TCN1: variants seen among roughly 807,000 people sequenced by gnomAD.
TCN1 encodes transcobalamin 1, also known as transcobalamin-1.
Under a neutral mutation model 46.3 loss-of-function variants are expected in TCN1, and 47 were observed. That is an observed-to-expected ratio of 1.01 (90% CI 0.80 to 1.29). The LOEUF (loss-of-function observed/expected upper bound fraction) is 1.29, where lower values mean the gene tolerates loss of function less well. Among genes scored for constraint, TCN1 ranks in the 50% most tolerant of loss-of-function variants. The pLI is 0.00. For missense variants in TCN1, 532 were observed against 511.0 expected, an observed-to-expected ratio of 1.04 and a Z score of -0.40; for synonymous variants, 183 against 192.5, an observed-to-expected ratio of 0.95 and a Z score of 0.41.
chr11:59,854,892 G>C, intron 6 of TCN1, 57 bp from the exon 7 acceptor site: 1 of 1,594,818 alleles, frequency 6.3e-7, no homozygotes, highest in Non-Finnish European at 8.6e-7. Flanking sequence ...TGATATTAGA[G>C]TTTGCAGACC....
In TCN1 at chr11:59,866,429, C is replaced by G. The variant is rs1853077478; in HGVS notation, c.42G>C (p.Leu14=). Residue 14 remains leucine (L), a synonymous_variant, in exon 1 of 9, where the codon CTG becomes CTC. Transcript: ENST00000257264. ...SHQLPLVGLL[L]FSFIPSQLCE... ...ATAGTTGGCTTGGAATAAAAGAAAACAGTAAGAGCCCCACTAGGGGCAGCT... is the reference window on the plus strand; with the variant it reads ...ATAGTTGGCTTGGAATAAAAGAAAAGAGTAAGAGCCCCACTAGGGGCAGCT... 1.9e-6 allele frequency: 3 copies of G among 1,613,378 alleles called. No individual in the cohort carries two copies. The highest frequency in any genetic ancestry group is 3.3e-5 in the Admixed American group (2 of 59,964).
chr11:59,860,279 G>C (rs1419389303), intron 4 of TCN1, among the ~76,000 whole-genome samples: 1 of 151,854 alleles, frequency 6.6e-6, no homozygotes, highest in Non-Finnish European at 1.5e-5. Context: ...ACAGGAGTGA[G>C]CCACCACGCC....
Position 59,852,859 on chromosome 11 carries a change from G to A in TCN1, c.*116C>T. ...TTATTGAACATGTAGAGAGAGAAGGGGAGGTTATTAACTCTCCTGCTCGTA... is the reference window on the plus strand; with the variant it reads ...TTATTGAACATGTAGAGAGAGAAGGAGAGGTTATTAACTCTCCTGCTCGTA... On this transcript the variant is annotated 3_prime_UTR_variant, in exon 9 of 9. Transcript: ENST00000257264. The A allele has an allele frequency of 1.1e-6, 1 of 906,180 alleles. No individual in the cohort carries two copies. The highest frequency in any genetic ancestry group is 1.9e-6 in the Non-Finnish European group (1 of 536,920). 56.1% of individuals were successfully genotyped at this position (906,180 alleles called of 1,614,324 possible). A position where few individuals can be genotyped will look rare whatever the true frequency, so the allele number is the denominator to read the frequency against.
At chr11:59,857,153 A>T (rs1441626536) in intron 5 of TCN1, among the ~76,000 whole-genome samples, 1 of 152,232 alleles carries the variant, frequency 6.6e-6, no homozygotes, top group Non-Finnish European at 1.5e-5. Context: ...CATACATAAC[A>T]ATAAATTAAA....
rs751783016 is a variant in TCN1 at position 59,861,513 on chromosome 11, G to C, written c.556+14C>G. 1.2e-6 allele frequency: 2 copies of C among 1,613,662 alleles called. No individual in the cohort carries two copies. The highest frequency in any genetic ancestry group is 1.3e-5 in the African/African-American group (1 of 75,030). Reference sequence around the variant, plus strand: ...ATGTCCTCTGTACCAAGGGAATTGGGCTTAGTAACTCACCTACTGAGAACT... The same window carrying C: ...ATGTCCTCTGTACCAAGGGAATTGGCCTTAGTAACTCACCTACTGAGAACT... On this transcript the variant is annotated intron_variant, in intron 4 of 8. Transcript: ENST00000257264.
intron 3 of TCN1, 72 bp from the exon 4 acceptor site, chr11:59,861,754 A>C: frequency 6.6e-7 from 1 of 1,520,530 alleles, no homozygotes; most frequent in South Asian, 1.1e-5. Context: ...ATCTATTCCT[A>C]CTTACTCTAT....
intron 1 of TCN1, among the ~76,000 whole-genome samples, chr11:59,865,665 G>A (rs1267734999): frequency 1.3e-5 from 2 of 152,150 alleles, no homozygotes; most frequent in Non-Finnish European, 2.9e-5. Flanking sequence ...GAGATAATTT[G>A]CTTCAATAGT....
chr11:59,863,912 C>A lies in TCN1; in HGVS notation c.254G>T (p.Ser85Ile). 1 of 1,613,762 alleles carries A rather than the reference C, an allele frequency of 6.2e-7. No individual in the cohort carries two copies. The highest frequency in any genetic ancestry group is 8.5e-7 in the Non-Finnish European group (1 of 1,179,728). ...CAGAATATACAGCAACTTACATCTG[C>A]TTTTCACATTGTATTTGATTTGTTG... The part of the protein sequence containing the change: ...MIQQIKYNVK[S>I]RLSDVSSGEL... The change falls in exon 2 of 9, where the codon AGC (serine) becomes ATC (isoleucine). Residue 85 changes from serine (S) to isoleucine (I), a missense_variant. Ser to Ile is a moderately radical substitution (Grantham distance 142). Coordinates refer to ENST00000257264, the MANE Select transcript of TCN1 (RefSeq NM_001062.4).
chr11:59,858,336 G>GTTGT (rs35313491), intron 5 of TCN1, among the ~76,000 whole-genome samples: 49,034 of 151,774 alleles, frequency 0.32, 9,014 homozygotes, highest in African/African-American at 0.51. Flanking sequence ...AAACTTATGC[G>GTTGT]TTATTTCTGA....
At chr11:59,864,626 C>T (rs369221596) in intron 1 of TCN1, among the ~76,000 whole-genome samples, 2 of 152,186 alleles carry the variant, frequency 1.3e-5, no homozygotes. Flanking sequence ...GGCTGGGCAT[C>T]GAGATCATTA....
chr11:59,862,508 G>T lies in TCN1; in HGVS notation c.400+74C>A, dbSNP rs536380317. 1.8e-4 allele frequency: 278 copies of T among 1,561,632 alleles called. 1 individual carries two copies. In the African/African-American group the frequency reaches 3.5e-3, roughly 20 times the overall value. ...GATGAAGAGAAGGAAAGAGTGGAGG[G>T]AAACTTCATATAGTTTTGAATCAGT... On this transcript the variant is annotated intron_variant, in intron 3 of 8. Coordinates refer to ENST00000257264, the MANE Select transcript of TCN1 (RefSeq NM_001062.4).
intron 4 of TCN1, 32 bp downstream of exon 4, chr11:59,861,495 C>T (rs1349408496): frequency 3.1e-6 from 5 of 1,611,888 alleles, no homozygotes; most frequent in Non-Finnish European, 4.2e-6. Flanking sequence ...ACCATGTCCT[C>T]TGTACCAAGG....
In TCN1 at chr11:59,853,259, T is replaced by G. The variant is rs766818537; in HGVS notation, c.1184A>C (p.Asn395Thr). The G allele has an allele frequency of 4.6e-5, 75 of 1,614,048 alleles. 2 individuals carry two copies. In the South Asian group the frequency reaches 7.1e-4, roughly 15 times the overall value. Reference protein sequence around the residue: ...YITCIQGLCANNNDRTYWELL... With the variant: ...YITCIQGLCATNNDRTYWELL... The stretch of plus-strand genomic sequence containing the variant: ...TTCCCAGTAGGTTCTGTCATTATTG[T>G]TGGCACATAGGCCCTGAATACAGGT... The change falls in exon 8 of 9, where the codon AAC (asparagine) becomes ACC (threonine). Residue 395 changes from asparagine to threonine, a missense_variant. Transcript: ENST00000257264.
intron 7 of TCN1, 127 bp downstream of exon 7, chr11:59,854,525 G>T: frequency 1.0e-6 from 1 of 960,088 alleles, no homozygotes; most frequent in Non-Finnish European, 1.6e-6. Flanking sequence ...GTGAGATGTA[G>T]ATGGACAGCA....
rs751144850 is a variant in TCN1, at chr11:59,859,097, T to G, written c.727A>C (p.Ser243Arg). ...CTTACCTGCATGGCTTCTCCTGTGC[T>G]AAATGTGTTTCCAATGAGACCATTT... Reference protein sequence around the residue: ...KENGLIGNTFSTGEAMQALFV... With the variant: ...KENGLIGNTFRTGEAMQALFV... Residue 243 changes from serine to arginine, a missense_variant, in exon 5 of 9, where the codon AGC becomes CGC. Physicochemically the swap from Ser to Arg is moderately radical, Grantham distance 110. Coordinates refer to ENST00000257264, the MANE Select transcript of TCN1 (RefSeq NM_001062.4). 1 of 1,613,710 alleles carries G rather than the reference T, an allele frequency of 6.2e-7. No homozygotes were observed. The highest frequency in any genetic ancestry group is 2.2e-5 in the East Asian group (1 of 44,892).
rs915439846 is a variant in TCN1, at chr11:59,862,586, A to G, written c.396T>C (p.Asn132=). Residue 132 remains asparagine (N), a synonymous_variant, in exon 3 of 9, where the codon AAT becomes AAC. Coordinates refer to ENST00000257264, the MANE Select transcript of TCN1 (RefSeq NM_001062.4). The part of the protein sequence containing the change: ...LENKFQAEIE[N]MEAHNGTPLT... ...CTCTAAATATTTAATTCTTACCCAT[A>G]TTTTCAATTTCTGCTTGGAATTTAT... 1.2e-6 allele frequency: 2 copies of G among 1,613,152 alleles called. No individual in the cohort carries two copies. Among genetic ancestry groups the G allele is most frequent in the Admixed American group, 1.7e-5 (1 of 59,978 alleles).
In TCN1 at chr11:59,859,225, T is replaced by C; in HGVS notation, c.599A>G (p.Lys200Arg). 1 of 1,614,024 alleles carries C rather than the reference T, an allele frequency of 6.2e-7. No individual in the cohort carries two copies. Among genetic ancestry groups the C allele is most frequent in the Non-Finnish European group, 8.5e-7 (1 of 1,179,986 alleles). ...MAVLALTCVK[K>R]SLINGQIKAD... The stretch of plus-strand genomic sequence containing the variant: ...TTTGATCTGCCCATTTATTAGACTC[T>C]TCTTCACACAGGTCAGAGCCAGGAC... The change falls in exon 5 of 9, where the codon AAG becomes AGG. Residue 200 changes from lysine (K) to arginine (R), a missense_variant. Coordinates refer to ENST00000257264, the MANE Select transcript of TCN1 (RefSeq NM_001062.4).
At chr11:59,862,807 A>G (rs1853031280) in intron 2 of TCN1, 85 bp from the exon 3 acceptor site, 4 of 1,505,270 alleles carry the variant, frequency 2.7e-6, no homozygotes, top group Admixed American at 1.7e-5. Context: ...TATATTGCCT[A>G]TCACTTTTTT....
Position 59,854,684 on chromosome 11 carries a change from C to T in TCN1, c.1089G>A (p.Glu363=). 1.2e-6 allele frequency: 2 copies of T among 1,613,942 alleles called. No individual in the cohort carries two copies. The highest frequency in any genetic ancestry group is 2.2e-5 in the East Asian group (1 of 44,856). The change falls in exon 7 of 9, where the codon GAG becomes GAA. Residue 363 remains glutamate (E), a synonymous_variant. Coordinates refer to ENST00000257264, the MANE Select transcript of TCN1 (RefSeq NM_001062.4). Reference sequence around the variant, plus strand: ...TAGTATCATTCATTTTCTGGGCTTTCTCCATCACACTGAGGAAGACAGAAC... The same window carrying T: ...TAGTATCATTCATTTTCTGGGCTTTTTCCATCACACTGAGGAAGACAGAAC... ...LNGSVFLSVM[E]KAQKMNDTIF...
Sources: allele counts gnomAD v4.1 joint callset (sites outside exome capture counted in the v4.1 genomes callset), GRCh38; gene constraint gnomAD v4.1.1; transcripts MANE v1.5; gene names NCBI Gene and HGNC (gene_info 2026-07-23, HGNC 2026-07-21).